NXN: variants seen among roughly 807,000 people sequenced by gnomAD.
NXN encodes nucleoredoxin 1.
NXN carries 16 observed loss-of-function variants against 48.6 expected under a neutral mutation model. That is an observed-to-expected ratio of 0.33 (90% confidence interval 0.22 to 0.50). NXN has a LOEUF of 0.50. Ranked by LOEUF, NXN falls within the 20% of genes least tolerant of loss-of-function variation. NXN has a pLI of 0.98. For missense variants in NXN, 492 were observed against 605.5 expected (o/e 0.81, Z 1.97); for synonymous variants, 281 against 269.6 (o/e 1.04, Z -0.41).
intron 1 of NXN, among the ~76,000 whole-genome samples, chr17:916,945 CT>C (rs2068694176): frequency 6.6e-6 from 1 of 152,140 alleles, no homozygotes; most frequent in South Asian, 2.1e-4. Flanking sequence ...AGTTACCACC[CT>C]AACCTCTTCG....
intron 6 of NXN, 107 bp downstream of exon 6, chr17:804,961 A>T: frequency 8.2e-7 from 1 of 1,212,448 alleles, no homozygotes; most frequent in East Asian, 2.5e-5. Context: ...CCAGGCTTGC[A>T]CTGCTGGTGA....
At chr17:841,392 C>CAAG (rs1567827300) in intron 1 of NXN, among the ~76,000 whole-genome samples, 1 of 149,488 alleles carries the variant, frequency 6.7e-6, no homozygotes, top group Non-Finnish European at 1.5e-5. Context: ...GCATCTCACG[C>CAAG]CGGCGAGCAG....
intron 1 of NXN, among the ~76,000 whole-genome samples, chr17:880,665 C>A (rs534932277): frequency 1.3e-5 from 2 of 152,134 alleles, no homozygotes; most frequent in African/African-American, 2.4e-5. Flanking sequence ...CTTCCAAGTT[C>A]GCCTGAGCTA....
At chr17:973,558 G>C (rs1389964200) in intron 1 of NXN, among the ~76,000 whole-genome samples, 11 of 152,218 alleles carry the variant, frequency 7.2e-5, no homozygotes, top group Admixed American at 7.2e-4. Context: ...GTCATTGGCA[G>C]ATAGAAATAC....
chr17:836,393 C>G (rs1913828153), intron 1 of NXN, among the ~76,000 whole-genome samples: 1 of 152,190 alleles, frequency 6.6e-6, no homozygotes, highest in Admixed American at 6.5e-5. Flanking sequence ...GCAAACGTCA[C>G]CCCTGCCCTC....
Position 960,619 on chromosome 17 carries a change from A to C in NXN, c.360+18700T>G, listed in dbSNP as rs567533203. 7.3e-5 allele frequency among the ~76,000 whole-genome samples: 11 copies of C among 150,620 alleles called. No individual in the cohort carries two copies. The East Asian group carries it at 1.6e-3, about 21-fold the overall frequency. The stretch of plus-strand genomic sequence containing the variant: ...TCAGCATCCTGAGTAGCTGAACTAC[A>C]GGCACACACCACCATGCCTGGCTAA... On this transcript the variant is annotated intron_variant, in intron 1 of 7. Transcript: ENST00000336868.
intron 1 of NXN, among the ~76,000 whole-genome samples, chr17:970,656 AT>A (rs1324018505): frequency 6.6e-6 from 1 of 152,172 alleles, no homozygotes; most frequent in Non-Finnish European, 1.5e-5. Context: ...TGATGTGAGT[AT>A]TTTTTAAGGT....
In NXN at chr17:910,091, C is replaced by G. The variant is rs550569230; in HGVS notation, c.360+69228G>C. On this transcript the variant is annotated intron_variant, in intron 1 of 7. Transcript: ENST00000336868. ...TCTAGGTTGAAGCAACATCCTACAC[C>G]TCCTAAATCAAACAACCTATGACTC... Among the ~76,000 whole-genome samples the G allele has an allele frequency of 1.7e-3, 260 of 152,208 alleles. 1 individual carries two copies. The highest frequency in any genetic ancestry group is 8.7e-3 in the South Asian group (42 of 4,828).
intron 1 of NXN, among the ~76,000 whole-genome samples, chr17:945,558 G>A (rs1486595345): frequency 6.6e-6 from 1 of 150,710 alleles, no homozygotes; most frequent in Non-Finnish European, 1.5e-5. Flanking sequence ...GTGAACCCGG[G>A]AGGCAGAGCT....
intron 1 of NXN, among the ~76,000 whole-genome samples, chr17:838,126 CTTTTTTTTT>C (rs66721481): frequency 9.1e-5 from 9 of 99,190 alleles, no homozygotes; most frequent in Admixed American, 5.0e-4. Context: ...TCCTTTCCTT[CTTTTTTTTT>C]TTTTTTTTTT....
At chr17:840,107 AAG>A (rs957197756) in intron 1 of NXN, among the ~76,000 whole-genome samples, 18 of 137,650 alleles carry the variant, frequency 1.3e-4, no homozygotes, top group African/African-American at 4.1e-4. Context: ...AAAAAAAAAA[AAG>A]AGAGAGAGAG....
intron 1 of NXN, among the ~76,000 whole-genome samples, chr17:924,569 A>C (rs11869158): frequency 0.035 from 5,382 of 152,334 alleles, 136 homozygotes; most frequent in Non-Finnish European, 0.052. Context: ...TAGAACATAC[A>C]TAACAGAAAA....
intron 1 of NXN, among the ~76,000 whole-genome samples, chr17:841,443 T>TC (rs146246056): frequency 0.24 from 8,570 of 36,284 alleles, 710 homozygotes; most frequent in African/African-American, 0.26. Flanking sequence ...GGCGAGCAGG[T>TC]CCCCCTGACC....
At chr17:863,991 G>C (rs79445276) in intron 1 of NXN, 1 of 1,535,316 alleles carries the variant, frequency 6.5e-7, no homozygotes, top group South Asian at 1.2e-5. Flanking sequence ...CCATTGCTCA[G>C]TTTCGGTGAA....
intron 1 of NXN, among the ~76,000 whole-genome samples, chr17:877,153 T>C (rs924040785): frequency 6.6e-6 from 1 of 151,806 alleles, no homozygotes; most frequent in East Asian, 1.9e-4. Flanking sequence ...AGCGACGGTG[T>C]TGTTTTTTTT....
At chr17:914,506 T>C (rs895006674) in intron 1 of NXN, among the ~76,000 whole-genome samples, 3 of 152,142 alleles carry the variant, frequency 2.0e-5, no homozygotes, top group Non-Finnish European at 4.4e-5. Flanking sequence ...AAGTATGCAA[T>C]GAGACAGTAG....
intron 1 of NXN, among the ~76,000 whole-genome samples, chr17:931,319 G>A (rs1480499890): frequency 6.6e-6 from 1 of 150,930 alleles, no homozygotes; most frequent in East Asian, 2.0e-4. Context: ...TGGGTGTGGT[G>A]GTGTGTGCCT....
chr17:895,778 AC>A (rs1567853078), intron 1 of NXN, among the ~76,000 whole-genome samples: 182 of 12,710 alleles, frequency 0.014, no homozygotes, highest in African/African-American at 0.099. Flanking sequence ...AGATCGCACC[AC>A]TGCACTCCAG....
Position 919,049 on chromosome 17 carries a change from A to G in NXN, c.360+60270T>C, listed in dbSNP as rs55909167. On this transcript the variant is annotated intron_variant, in intron 1 of 7. Transcript: ENST00000336868. The surrounding 1 kb of genome is among the most constrained non-coding windows in gnomAD (Gnocchi z 5.1). ...CACTGCACTCCAGCCTGGGCAACAGAGTAAGACCCTATTGCTTTAAAAAAA... is the reference window on the plus strand; with the variant it reads ...CACTGCACTCCAGCCTGGGCAACAGGGTAAGACCCTATTGCTTTAAAAAAA... 0.37 allele frequency among the ~76,000 whole-genome samples: 55,939 copies of G among 150,224 alleles called. 10,424 individuals are homozygous for G. Among genetic ancestry groups the G allele is most frequent in the East Asian group, 0.58 (2,913 of 5,056 alleles).
Sources: allele counts gnomAD v4.1 joint callset (sites outside exome capture counted in the v4.1 genomes callset), GRCh38; gene constraint gnomAD v4.1.1; non-coding constraint Gnocchi (gnomAD v3.1); transcripts MANE v1.5; gene names NCBI Gene and HGNC (gene_info 2026-07-23, HGNC 2026-07-21).